ARHGEF17: variants seen among roughly 807,000 people sequenced by gnomAD.
ARHGEF17 encodes 164 kDa Rho-specific guanine-nucleotide exchange factor.
Under a neutral mutation model 174.0 loss-of-function variants are expected in ARHGEF17, and 80 were observed. That is an observed-to-expected ratio of 0.46 (90% CI 0.38 to 0.55). The LOEUF is 0.55. ARHGEF17 is among the 20% of genes least tolerant of loss of function. ARHGEF17 has a pLI of 0.00. For missense variants in ARHGEF17, 2,886 were observed against 2,839.7 expected (o/e 1.02, Z -0.37); for synonymous variants, 1,311 against 1,189.1 (o/e 1.10, Z -2.11).
Position 73,311,124 on chromosome 11 carries a change from G to A in ARHGEF17, c.2486G>A (p.Ser829Asn). Residue 829 changes from serine to asparagine, a missense_variant, in exon 1 of 21, where the codon AGT becomes AAT. Around this residue, in one of 4 missense-constraint regions of ARHGEF17, gnomAD observed 1,728 missense variants for 1,461.2 expected, o/e 1.18. Transcript: ENST00000263674. ...AGKAPKKKSLSDPSRRGELAG... is the reference protein window; with the variant it reads ...AGKAPKKKSLNDPSRRGELAG... Reference sequence around the variant, plus strand: ...AAAGCCCCCAAGAAGAAATCCCTGAGTGACCCCAGCCGCCGTGGGGAGCTG... The same window carrying A: ...AAAGCCCCCAAGAAGAAATCCCTGAATGACCCCAGCCGCCGTGGGGAGCTG... 6.2e-7 allele frequency: 1 copy of A among 1,602,936 alleles called. No individual in the cohort carries two copies. The highest frequency in any genetic ancestry group is 8.5e-7 in the Non-Finnish European group (1 of 1,171,738).
chr11:73,330,032 A>G (rs7949364), intron 1 of ARHGEF17, among the ~76,000 whole-genome samples: 25,434 of 152,148 alleles, frequency 0.17, 2,932 homozygotes, highest in African/African-American at 0.33. Flanking sequence ...AAGGTTGAGC[A>G]TCTTTTTCTA....
Position 73,365,513 on chromosome 11 carries a change from G to C in ARHGEF17, c.5674G>C (p.Glu1892Gln), listed in dbSNP as rs372726461. The change falls in exon 19 of 21, where the codon GAG becomes CAG. Residue 1892 changes from glutamate to glutamine, a missense_variant. Physicochemically the swap from Glu to Gln is conservative, Grantham distance 29. This residue lies in a region of ARHGEF17 where 329 missense variants were observed against 435.2 expected (regional missense o/e 0.76). Coordinates refer to ENST00000263674, the MANE Select transcript of ARHGEF17 (RefSeq NM_014786.4). This position sits in a 1 kb window ranked among gnomAD's most constrained non-coding sequence, Gnocchi z 4.9. ...HVCLYHPDTF[E>Q]QLAEVDVTPP... ...GTGTCTCTACCATCCAGACACCTTT[G>C]AGCAGCTGGCAGAAGTAGACGTCAC... 1.6e-5 allele frequency: 26 copies of C among 1,614,026 alleles called. No individual in the cohort carries two copies. In the African/African-American group the frequency reaches 3.3e-4, roughly 21 times the overall value.
Position 73,310,585 on chromosome 11 carries a change from G to A in ARHGEF17, c.1947G>A (p.Gly649=). Residue 649 remains glycine, a synonymous_variant, in exon 1 of 21, where the codon GGG becomes GGA. Coordinates refer to ENST00000263674, the MANE Select transcript of ARHGEF17 (RefSeq NM_014786.4). ...PESSLTDEGI[G]ADPEPPVAAF... is the part of the protein sequence containing the mutation. The stretch of plus-strand genomic sequence containing the variant: ...CCAGTCTGACAGATGAAGGCATTGG[G>A]GCAGACCCTGAGCCTCCTGTTGCAG... 4 of 1,614,104 alleles carry A rather than the reference G, an allele frequency of 2.5e-6. No individual in the cohort carries two copies. The highest frequency in any genetic ancestry group is 1.1e-5 in the South Asian group (1 of 91,086).
At chr11:73,329,719 G>A (rs1865174052) in intron 1 of ARHGEF17, among the ~76,000 whole-genome samples, 1 of 152,040 alleles carries the variant, frequency 6.6e-6, no homozygotes, top group Admixed American at 6.6e-5. Flanking sequence ...TTTTTGTACT[G>A]CATGGTGTCC....
chr11:73,342,193 A>G (rs1010586052), intron 1 of ARHGEF17, among the ~76,000 whole-genome samples: 16 of 110,804 alleles, frequency 1.4e-4, no homozygotes, highest in Admixed American at 2.4e-4. Context: ...ACAGTCTAGG[A>G]GTGGGAGCAC....
Position 73,368,040 on chromosome 11 carries a change from C to A in ARHGEF17, c.*260C>A. ...GGGACATGTGGGCTGACCAGGACCT[C>A]TGACCCTGGAGCTTCTACCAAAGAC... On this transcript the variant is annotated 3_prime_UTR_variant, in exon 21 of 21. Coordinates refer to ENST00000263674, the MANE Select transcript of ARHGEF17 (RefSeq NM_014786.4). 2.3e-6 allele frequency: 1 copy of A among 426,154 alleles called. No individual in the cohort carries two copies. The highest frequency in any genetic ancestry group is 4.3e-6 in the Non-Finnish European group (1 of 234,700). The allele number at this position is 426,154 out of a possible 1,614,324, so 26.4% of individuals were successfully genotyped here.
chr11:73,346,721 TG>T (rs1346156188), intron 1 of ARHGEF17, among the ~76,000 whole-genome samples, 161 bp from the exon 2 acceptor site: 2 of 149,664 alleles, frequency 1.3e-5, no homozygotes, highest in African/African-American at 5.0e-5. Context: ...GTGGAGGGCC[TG>T]GGGGCCTCGG....
Position 73,360,426 on chromosome 11 carries a change from T to G in ARHGEF17, c.4313T>G (p.Leu1438Arg). Reference sequence around the variant, plus strand: ...TCCTTCCCGCCAACCAAGCTGGAGCTGTGCGCCACTCGGCCCGAGGGCACC... The same window carrying G: ...TCCTTCCCGCCAACCAAGCTGGAGCGGTGCGCCACTCGGCCCGAGGGCACC... ...ALSFPPTKLE[L>R]CATRPEGTDS... Residue 1438 changes from leucine (L) to arginine (R), a missense_variant, in exon 11 of 21, where the codon CTG becomes CGG. Leu to Arg is a moderately radical substitution (Grantham distance 102). This residue lies in a region of ARHGEF17 where 476 missense variants were observed against 473.1 expected (regional missense o/e 1.01). Coordinates refer to ENST00000263674, the MANE Select transcript of ARHGEF17 (RefSeq NM_014786.4). 1 of 1,614,008 alleles carries G rather than the reference T, an allele frequency of 6.2e-7. No individual in the cohort carries two copies. The highest frequency in any genetic ancestry group is 8.5e-7 in the Non-Finnish European group (1 of 1,180,038).
At chr11:73,357,417 G>A in intron 9 of ARHGEF17, 90 bp downstream of exon 9, 5 of 1,249,464 alleles carry the variant, frequency 4.0e-6, no homozygotes, top group Non-Finnish European at 5.6e-6. Flanking sequence ...CTGGCTGCCT[G>A]TCCAGCTGCT....
Position 73,311,022 on chromosome 11 carries a change from G to A in ARHGEF17, c.2384G>A (p.Gly795Glu), listed in dbSNP as rs916814438. The change falls in exon 1 of 21, where the codon GGA (glycine) becomes GAA (glutamate). Residue 795 changes from glycine to glutamate, a missense_variant. By Grantham distance (98) the Gly-to-Glu change is moderately conservative (BLOSUM62 -2). This residue lies in a region of ARHGEF17 where 1,728 missense variants were observed against 1,461.2 expected (regional missense o/e 1.18). Transcript: ENST00000263674. The part of the protein sequence containing the change: ...DWSVGSEESK[G>E]YQEVIQSIVQ... ...TCTGTGGGCAGTGAAGAGAGCAAGG[G>A]ATATCAGGAGGTTATTCAGAGCATA... The A allele has an allele frequency of 1.2e-6, 2 of 1,614,194 alleles. No individual in the cohort carries two copies. Among genetic ancestry groups the A allele is most frequent in the African/African-American group, 1.3e-5 (1 of 75,038 alleles).
In ARHGEF17 at chr11:73,309,008, C is replaced by T; in HGVS notation, c.370C>T (p.Pro124Ser). Residue 124 changes from proline (P) to serine (S), a missense_variant, in exon 1 of 21, where the codon CCC becomes TCC. By Grantham distance (74) the Pro-to-Ser change is moderately conservative. This residue lies in a region of ARHGEF17 where 1,728 missense variants were observed against 1,461.2 expected (regional missense o/e 1.18). Transcript: ENST00000263674. ...AAEGPARGAW[P>S]SVTEMRKLFG... is the part of the protein sequence containing the mutation. Reference sequence around the variant, plus strand: ...CGAGGGCCCAGCGCGAGGAGCCTGGCCCAGCGTCACCGAGATGCGCAAGCT... The same window carrying T: ...CGAGGGCCCAGCGCGAGGAGCCTGGTCCAGCGTCACCGAGATGCGCAAGCT... 4.3e-6 allele frequency: 6 copies of T among 1,408,708 alleles called. No homozygotes were observed. The highest frequency in any genetic ancestry group is 5.5e-6 in the Non-Finnish European group (6 of 1,086,156). The allele number at this position is 1,408,708 out of a possible 1,614,324, so 87.3% of individuals were successfully genotyped here.
chr11:73,343,288 G>T, intron 1 of ARHGEF17: 1 of 398,256 alleles, frequency 2.5e-6, no homozygotes, highest in Non-Finnish European at 4.4e-6. Context: ...GTACGGGGAG[G>T]GGGAGGGGCA....
In ARHGEF17 at chr11:73,310,070, C is replaced by A; in HGVS notation, c.1432C>A (p.Leu478Met). ...ASETLTLLSFLRSDLSELRVR... is the reference protein window; with the variant it reads ...ASETLTLLSFMRSDLSELRVR... Reference sequence around the variant, plus strand: ...AGAGACCCTGACGCTTCTCAGTTTCCTGCGCTCAGACCTTTCAGAGCTGAG... The same window carrying A: ...AGAGACCCTGACGCTTCTCAGTTTCATGCGCTCAGACCTTTCAGAGCTGAG... The change falls in exon 1 of 21, where the codon CTG becomes ATG. Residue 478 changes from leucine to methionine, a missense_variant. Physicochemically the swap from Leu to Met is conservative, Grantham distance 15 (BLOSUM62 2). Around this residue, in one of 4 missense-constraint regions of ARHGEF17, gnomAD observed 1,728 missense variants for 1,461.2 expected, o/e 1.18. Transcript: ENST00000263674. 6.2e-7 allele frequency: 1 copy of A among 1,614,208 alleles called. No homozygotes were observed. Among genetic ancestry groups the A allele is most frequent in the Non-Finnish European group, 8.5e-7 (1 of 1,180,026 alleles).
intron 1 of ARHGEF17, among the ~76,000 whole-genome samples, chr11:73,315,894 C>G (rs1325326288): frequency 1.3e-5 from 2 of 152,206 alleles, no homozygotes; most frequent in African/African-American, 4.8e-5. Flanking sequence ...CTGTCCCCAG[C>G]CCCCTCTCCC....
At chr11:73,343,833 G>C (rs992446983) in intron 1 of ARHGEF17, among the ~76,000 whole-genome samples, 2 of 152,164 alleles carry the variant, frequency 1.3e-5, no homozygotes, top group Admixed American at 6.5e-5. Flanking sequence ...CGGCCCCAGT[G>C]GGGGCTGTAA....
intron 1 of ARHGEF17, among the ~76,000 whole-genome samples, chr11:73,333,730 G>T (rs775526759): frequency 3.9e-5 from 6 of 152,188 alleles, no homozygotes; most frequent in Non-Finnish European, 8.8e-5. Context: ...AGGGGCCACA[G>T]TGCAACCCAG....
At chr11:73,323,573 C>T (rs941589604) in intron 1 of ARHGEF17, among the ~76,000 whole-genome samples, 4 of 152,214 alleles carry the variant, frequency 2.6e-5, no homozygotes, top group Non-Finnish European at 2.9e-5. Flanking sequence ...GGGGCCTGAG[C>T]GGAAAGCCTG....
At chr11:73,343,347 C>G in intron 1 of ARHGEF17, 1 of 392,546 alleles carries the variant, frequency 2.5e-6, no homozygotes, top group Non-Finnish European at 4.5e-6. Flanking sequence ...CAGGAGCCAA[C>G]CCAGGAGACG....
At chr11:73,337,283 C>G (rs1865300852) in intron 1 of ARHGEF17, among the ~76,000 whole-genome samples, 1 of 151,962 alleles carries the variant, frequency 6.6e-6, no homozygotes, top group Admixed American at 6.6e-5. Context: ...TGGTGCGCAC[C>G]TGTACCCCCA....
Sources: allele counts gnomAD v4.1 joint callset (sites outside exome capture counted in the v4.1 genomes callset), GRCh38; gene constraint gnomAD v4.1.1; regional missense constraint gnomAD v4.1.1; non-coding constraint Gnocchi (gnomAD v3.1); transcripts MANE v1.5; gene names NCBI Gene and HGNC (gene_info 2026-07-23, HGNC 2026-07-21).